Variants in RUNDC3B observed in about 807,000 individuals in gnomAD.
RUNDC3B encodes the protein RUN domain-containing protein 3B.
RUNDC3B carries 33 observed loss-of-function variants against 58.4 expected under a neutral mutation model. The observed-to-expected ratio is 0.56, with a 90% CI of 0.43 to 0.75. The LOEUF (loss-of-function observed/expected upper bound fraction) is 0.75, where lower values mean the gene tolerates loss of function less well. Among genes scored for constraint, RUNDC3B ranks in the 30% least tolerant of loss-of-function variants. RUNDC3B has a pLI of 0.00. For synonymous variants in RUNDC3B, 193 were observed against 195.2 expected, an observed-to-expected ratio of 0.99 and a Z score of 0.10; for missense variants, 501 against 535.7, an observed-to-expected ratio of 0.94 and a Z score of 0.64.
chr7:87,778,353 G>A (rs978311607), intron 8 of RUNDC3B, among the ~76,000 whole-genome samples: 1 of 151,476 alleles, frequency 6.6e-6, no homozygotes, highest in African/African-American at 2.4e-5. Flanking sequence ...TGAGGCAAGA[G>A]GATCACTTGA....
intron 3 of RUNDC3B, among the ~76,000 whole-genome samples, chr7:87,700,837 G>T (rs1185911926): frequency 6.6e-6 from 1 of 152,160 alleles, no homozygotes; most frequent in Non-Finnish European, 1.5e-5. Context: ...CCTTTTCGCT[G>T]TGTTGATATT....
chr7:87,744,906 A>T (rs1466701683), intron 6 of RUNDC3B, among the ~76,000 whole-genome samples: 2 of 151,936 alleles, frequency 1.3e-5, no homozygotes, highest in Non-Finnish European at 2.9e-5. Context: ...TCTCAGAGGG[A>T]ATGCTTTTAA....
intron 7 of RUNDC3B, among the ~76,000 whole-genome samples, chr7:87,774,380 T>C (rs894464055): frequency 6.6e-6 from 1 of 151,854 alleles, no homozygotes; most frequent in African/African-American, 2.4e-5. Flanking sequence ...AGAAGGAAAG[T>C]AATAAAATAA....
At position 87,710,614 on chromosome 7, in the gene RUNDC3B, T is replaced by C; in HGVS notation, c.417T>C (p.Ser139=). Reference sequence around the variant, plus strand: ...TAGCACTCATGGAAAAACATTTATCTGAATACATCTCTACAGCTCTGAGAG... The same window carrying C: ...TAGCACTCATGGAAAAACATTTATCCGAATACATCTCTACAGCTCTGAGAG... ...IRVALMEKHL[S]EYISTALRDF... Residue 139 remains serine (S), a synonymous_variant, in exon 4 of 11, where the codon TCT becomes TCC. Coordinates refer to ENST00000394654, the MANE Select transcript of RUNDC3B (RefSeq NM_001134405.2). The C allele has an allele frequency of 6.2e-7, 1 of 1,603,752 alleles. No homozygotes were observed. The highest frequency in any genetic ancestry group is 1.1e-5 in the South Asian group (1 of 89,720).
chr7:87,799,353 T>A (rs1292388856), intron 8 of RUNDC3B, among the ~76,000 whole-genome samples: 2 of 152,180 alleles, frequency 1.3e-5, no homozygotes, highest in Admixed American at 1.3e-4. Context: ...CAGTTCTGTT[T>A]TCCTGCTTTT....
intron 2 of RUNDC3B, among the ~76,000 whole-genome samples, chr7:87,663,949 C>T (rs542917605): frequency 1.3e-5 from 2 of 152,222 alleles, no homozygotes; most frequent in Admixed American, 6.5e-5. Flanking sequence ...CACCCTTATA[C>T]CTCATTTCAC....
At chr7:87,746,302 A>T (rs1832637342) in intron 6 of RUNDC3B, among the ~76,000 whole-genome samples, 1 of 152,150 alleles carries the variant, frequency 6.6e-6, no homozygotes, top group Non-Finnish European at 1.5e-5. Flanking sequence ...TGTTCTGTAT[A>T]TATTTGTTAA....
intron 6 of RUNDC3B, among the ~76,000 whole-genome samples, chr7:87,753,681 A>T (rs1382155590): frequency 6.6e-6 from 1 of 152,124 alleles, no homozygotes; most frequent in Non-Finnish European, 1.5e-5. Context: ...ATAGTTGCTT[A>T]TACTGAAAAC....
intron 4 of RUNDC3B, among the ~76,000 whole-genome samples, chr7:87,712,795 G>A (rs1375893080): frequency 1.3e-5 from 2 of 151,952 alleles, no homozygotes; most frequent in Non-Finnish European, 2.9e-5. Context: ...CAGAAACATG[G>A]CTTGGCGTAC....
At chr7:87,778,495 T>G (rs1834769801) in intron 8 of RUNDC3B, among the ~76,000 whole-genome samples, 1 of 151,908 alleles carries the variant, frequency 6.6e-6, no homozygotes, top group African/African-American at 2.4e-5. Flanking sequence ...GAATAAAAAT[T>G]ACCTTCAGTT....
At position 87,777,815 on chromosome 7, in the gene RUNDC3B, C is replaced by G. The variant is rs1352102972; in HGVS notation, c.816C>G (p.Leu272=). The G allele has an allele frequency of 3.1e-6, 5 of 1,613,578 alleles. No individual in the cohort carries two copies. Among genetic ancestry groups the G allele is most frequent in the Non-Finnish European group, 4.2e-6 (5 of 1,179,726 alleles). ...TLEQKGYLEE[L]LRLRENQLSE... ...ATTTCCAGGGTTACCTTGAAGAACT[C>G]TTACGACTTCGAGAGAACCAACTAT... The change falls in exon 8 of 11, where the codon CTC becomes CTG. Residue 272 remains leucine, a synonymous_variant. Coordinates refer to ENST00000394654, the MANE Select transcript of RUNDC3B (RefSeq NM_001134405.2).
chr7:87,704,586 G>A (rs894979542), intron 3 of RUNDC3B, among the ~76,000 whole-genome samples: 3 of 152,188 alleles, frequency 2.0e-5, no homozygotes, highest in African/African-American at 7.2e-5. Context: ...ACTAATCCCT[G>A]CACAGCAATA....
intron 4 of RUNDC3B, among the ~76,000 whole-genome samples, chr7:87,719,341 A>C (rs1830733599): frequency 6.6e-6 from 1 of 152,000 alleles, no homozygotes; most frequent in African/African-American, 2.4e-5. Context: ...ATTTGGCTGC[A>C]ATCTCTATGT....
At chr7:87,640,057 A>T (rs571516247) in intron 1 of RUNDC3B, among the ~76,000 whole-genome samples, 1 of 150,484 alleles carries the variant, frequency 6.6e-6, no homozygotes, top group Non-Finnish European at 1.5e-5. Context: ...ATATATGTTT[A>T]TATATATTTC....
chr7:87,761,525 C>A (rs569243282), intron 6 of RUNDC3B, among the ~76,000 whole-genome samples: 69 of 152,004 alleles, frequency 4.5e-4, no homozygotes, highest in Non-Finnish European at 3.1e-4. Context: ...GAAACTTTTA[C>A]ATGAATGTTC....
chr7:87,741,578 A>T lies in RUNDC3B; in HGVS notation c.628A>T (p.Ser210Cys). ...DYTPYLKYIQ[S>C]SDSISSDEEE... Reference sequence around the variant, plus strand: ...TACACCATATTTGAAGTATATCCAAAGGTATGTGACATTTTGAGATATGTT... The same window carrying T: ...TACACCATATTTGAAGTATATCCAATGGTATGTGACATTTTGAGATATGTT... The change falls in exon 6 of 11, where the codon AGT becomes TGT. Residue 210 changes from serine (S) to cysteine (C), a missense_variant and splice_region_variant. Ser to Cys is a moderately radical substitution (Grantham distance 112, BLOSUM62 -1). Transcript: ENST00000394654. 1 of 1,525,624 alleles carries T rather than the reference A, an allele frequency of 6.6e-7. No individual in the cohort carries two copies. Among genetic ancestry groups the T allele is most frequent in the Non-Finnish European group, 9.0e-7 (1 of 1,110,326 alleles). The allele number at this position is 1,525,624 out of a possible 1,614,324, so 94.5% of individuals were successfully genotyped here.
intron 2 of RUNDC3B, among the ~76,000 whole-genome samples, chr7:87,677,739 A>T (rs1826522649): frequency 6.6e-6 from 1 of 152,250 alleles, no homozygotes; most frequent in African/African-American, 2.4e-5. Context: ...GCTTCTAAAC[A>T]CATGATAATC....
At chr7:87,822,498 G>A (rs1837527836) in intron 10 of RUNDC3B, among the ~76,000 whole-genome samples, 1 of 152,160 alleles carries the variant, frequency 6.6e-6, no homozygotes, top group African/African-American at 2.4e-5. Flanking sequence ...CAGGGATCTA[G>A]AACTAGAAAT....
chr7:87,691,465 G>C (rs2130646705), intron 2 of RUNDC3B, among the ~76,000 whole-genome samples: 1 of 152,086 alleles, frequency 6.6e-6, no homozygotes, highest in East Asian at 1.9e-4. Context: ...CTTTGGTATT[G>C]TCTCAAGTAT....
Sources: gnomAD v4.1 joint callset for allele counts (sites outside exome capture counted in the v4.1 genomes callset) on GRCh38, gnomAD v4.1.1 for gene constraint, MANE v1.5 for transcripts, NCBI Gene and HGNC (gene_info 2026-07-23, HGNC 2026-07-21) for gene names.